Variants in HECW1 observed in about 807,000 individuals in gnomAD.
HECW1 encodes the protein HECT, C2 and WW domain containing E3 ubiquitin protein ligase 1.
Under a neutral mutation model 182.3 loss-of-function variants are expected in HECW1, and 61 were observed. That is an observed-to-expected ratio of 0.33 (90% CI 0.27 to 0.41). HECW1 has a LOEUF of 0.41. Among genes scored for constraint, HECW1 ranks in the 10% least tolerant of loss-of-function variants. The pLI is 1.00. For synonymous variants in HECW1, 859 were observed against 832.6 expected (o/e 1.03, Z -0.55); for missense variants, 1,739 against 2,108.9 (o/e 0.82, Z 3.44).
At chr7:43,238,729 T>C (rs1164146209) in intron 2 of HECW1, among the ~76,000 whole-genome samples, 2 of 152,224 alleles carry the variant, frequency 1.3e-5, no homozygotes, top group African/African-American at 2.4e-5. Context: ...AATAGCCCAC[T>C]GGCTATACCA....
At chr7:43,283,783 C>T (rs1257291475) in intron 3 of HECW1, among the ~76,000 whole-genome samples, 1 of 152,188 alleles carries the variant, frequency 6.6e-6, no homozygotes, top group Non-Finnish European at 1.5e-5. Flanking sequence ...AAACATAAGA[C>T]TGGACACAGC....
At chr7:43,163,815 T>G (rs1790809608) in intron 2 of HECW1, among the ~76,000 whole-genome samples, 1 of 152,082 alleles carries the variant, frequency 6.6e-6, no homozygotes, top group South Asian at 2.1e-4. Flanking sequence ...ATGTTTGGAT[T>G]TGATGGAAGG....
At chr7:43,558,215 A>G (rs2082094666) in intron 29 of HECW1, among the ~76,000 whole-genome samples, 1 of 152,204 alleles carries the variant, frequency 6.6e-6, no homozygotes, top group Non-Finnish European at 1.5e-5. Context: ...GGCAGAAGCT[A>G]GGTCAGAGTC....
At chr7:43,491,327 G>T (rs984589545) in intron 17 of HECW1, among the ~76,000 whole-genome samples, 1 of 152,168 alleles carries the variant, frequency 6.6e-6, no homozygotes, top group African/African-American at 2.4e-5. Flanking sequence ...TTATCTTGCA[G>T]AATTTGTTAG....
At chr7:43,181,776 G>A (rs6943629) in intron 2 of HECW1, among the ~76,000 whole-genome samples, 2 of 150,028 alleles carry the variant, frequency 1.3e-5, no homozygotes, top group East Asian at 3.9e-4. Flanking sequence ...TTCTCATATT[G>A]TTTTTTGTTT....
intron 17 of HECW1, among the ~76,000 whole-genome samples, chr7:43,481,965 A>C: frequency 1.5e-5 from 2 of 137,668 alleles, no homozygotes; most frequent in Admixed American, 7.6e-5. Context: ...ACACAGCGAG[A>C]CTCCATCTCA....
At chr7:43,373,172 A>G (rs1029233732) in intron 6 of HECW1, among the ~76,000 whole-genome samples, 1 of 148,878 alleles carries the variant, frequency 6.7e-6, no homozygotes, top group African/African-American at 2.5e-5. Flanking sequence ...GGTGCTGCCC[A>G]TGCACGTTGG....
At chr7:43,259,677 A>C (rs1434207900) in intron 3 of HECW1, among the ~76,000 whole-genome samples, 1 of 152,240 alleles carries the variant, frequency 6.6e-6, no homozygotes, top group Non-Finnish European at 1.5e-5. Flanking sequence ...CATCTGATGT[A>C]AATAATGGAT....
At chr7:43,461,477 T>C (rs1395612486) in intron 13 of HECW1, among the ~76,000 whole-genome samples, 1 of 152,238 alleles carries the variant, frequency 6.6e-6, no homozygotes. Flanking sequence ...CAGTCTGCCA[T>C]AAAGCATTTA....
intron 5 of HECW1, among the ~76,000 whole-genome samples, chr7:43,329,169 A>G (rs938518691): frequency 2.6e-5 from 4 of 152,180 alleles, no homozygotes; most frequent in Admixed American, 2.6e-4. Flanking sequence ...GTCTGGGCTC[A>G]GGGCCAAGTG....
intron 2 of HECW1, among the ~76,000 whole-genome samples, chr7:43,159,191 T>A (rs1271730582): frequency 6.6e-6 from 1 of 151,668 alleles, no homozygotes; most frequent in African/African-American, 2.4e-5. Flanking sequence ...TTTCTTTTTT[T>A]TTATTATTAT....
At chr7:43,510,579 G>T (rs1563073315) in intron 24 of HECW1, among the ~76,000 whole-genome samples, 1 of 152,142 alleles carries the variant, frequency 6.6e-6, no homozygotes, top group Non-Finnish European at 1.5e-5. Flanking sequence ...TAGCTTAAAT[G>T]CTCACTTATA....
At chr7:43,118,917 C>T (rs529788375) in intron 2 of HECW1, 1 of 152,218 alleles carries the variant, frequency 6.6e-6, no homozygotes, top group South Asian at 2.1e-4. Context: ...TCCACATCCC[C>T]CATGATGGAT....
chr7:43,272,778 TAAAAC>T (rs1802571064), intron 3 of HECW1, among the ~76,000 whole-genome samples: 1 of 152,126 alleles, frequency 6.6e-6, no homozygotes. Context: ...CAAAAGAACT[TAAAAC>T]AGAGCTATCG....
intron 2 of HECW1, among the ~76,000 whole-genome samples, chr7:43,210,491 G>A (rs1795915137): frequency 6.6e-6 from 1 of 151,028 alleles, no homozygotes; most frequent in Admixed American, 6.6e-5. Flanking sequence ...TTGTTACAGG[G>A]CGTCCTTGCT....
intron 5 of HECW1, among the ~76,000 whole-genome samples, chr7:43,359,540 G>GGAGTT (rs1815609322): frequency 6.6e-6 from 1 of 152,108 alleles, no homozygotes. Flanking sequence ...TGTTGTTTGA[G>GGAGTT]GAGTTTTAAA....
chr7:43,564,213 AT>A lies in HECW1; in HGVS notation c.*2288del, dbSNP rs1003438343. On this transcript the variant is annotated 3_prime_UTR_variant, in exon 30 of 30. Coordinates refer to ENST00000395891, the MANE Select transcript of HECW1 (RefSeq NM_015052.5). ...GCAACAACATCTCTAATATAGGGGC[AT>A]CTTTTATCTTTAGAACTTGGTGTTA... 7 of 191,390 alleles carry A rather than the reference AT, an allele frequency of 3.7e-5. 1 individual carries two copies. The highest frequency in any genetic ancestry group is 1.2e-4 in the African/African-American group (5 of 43,152). 11.9% of individuals were successfully genotyped at this position (191,390 alleles called of 1,614,324 possible).
chr7:43,368,766 G>C (rs534247824), intron 6 of HECW1, among the ~76,000 whole-genome samples: 5 of 152,300 alleles, frequency 3.3e-5, no homozygotes, highest in African/African-American at 1.2e-4. Context: ...TTTCCCACCA[G>C]CTATGGTTCA....
chr7:43,165,931 A>G (rs1005189516), intron 2 of HECW1, among the ~76,000 whole-genome samples: 3 of 152,200 alleles, frequency 2.0e-5, no homozygotes, highest in Non-Finnish European at 4.4e-5. Flanking sequence ...CTCCTTGCCT[A>G]TTAATATACT....
Sources: gnomAD v4.1 joint callset for allele counts (sites outside exome capture counted in the v4.1 genomes callset) on GRCh38, gnomAD v4.1.1 for gene constraint, MANE v1.5 for transcripts, NCBI Gene and HGNC (gene_info 2026-07-23, HGNC 2026-07-21) for gene names.